The following HOXB4 variants were observed in gnomAD, a reference collection of about 807,000 sequenced individuals.
The protein encoded by HOXB4 is homeobox B4, also known as homeobox protein Hox-B4.
In HOXB4, 13 loss-of-function variants were observed where a neutral mutation model predicts 20.0. The observed-to-expected ratio is 0.65, with a 90% CI of 0.42 to 1.03. The LOEUF is 1.03. Among genes scored for constraint, HOXB4 ranks in the 50% least tolerant of loss-of-function variants. The probability of loss-of-function intolerance (pLI) is 0.00; values close to 1 mark genes in which losing one functional copy is unlikely to be tolerated. For missense variants in HOXB4, 343 were observed against 357.1 expected, an observed-to-expected ratio of 0.96 and a Z score of 0.32; for synonymous variants, 173 against 148.9, an observed-to-expected ratio of 1.16 and a Z score of -1.18.
chr17:48,578,129 C>T lies in HOXB4; in HGVS notation c.191G>A (p.Arg64His). Residue 64 changes from arginine (R) to histidine (H), a missense_variant, in exon 1 of 2, where the codon CGC becomes CAC. Physicochemically the swap from Arg to His is conservative, Grantham distance 29 (BLOSUM62 0). This residue lies in a region of HOXB4 where 241 missense variants were observed against 222.0 expected (regional missense o/e 1.09). Coordinates refer to ENST00000332503, the MANE Select transcript of HOXB4 (RefSeq NM_024015.5). ...FGRRAACTVQ[R>H]YAACRDPGPP... is the part of the protein sequence containing the mutation. ...CCCAGGGTCCCGGCAGGCCGCGTAGCGCTGCACGGTGCACGCCGCGCGCCG... is the reference window on the plus strand; with the variant it reads ...CCCAGGGTCCCGGCAGGCCGCGTAGTGCTGCACGGTGCACGCCGCGCGCCG... 2 of 1,527,408 alleles carry T rather than the reference C, an allele frequency of 1.3e-6. No individual in the cohort carries two copies. The highest frequency in any genetic ancestry group is 1.2e-5 in the South Asian group (1 of 85,190). 94.6% of individuals were successfully genotyped at this position (1,527,408 alleles called of 1,614,324 possible).
Position 48,578,105 on chromosome 17 carries a change from CCAGGGTCCCGGCAG to C in HOXB4, c.201_214del (p.Cys68AlafsTer228). On this transcript the variant is annotated frameshift_variant, in exon 1 of 2. Coordinates refer to ENST00000332503, the MANE Select transcript of HOXB4 (RefSeq NM_024015.5). LOFTEE classifies it high-confidence loss of function. ...GGGTGGTGGCGGAGGCGGCGGGGGCCCAGGGTCCCGGCAGGCCGCGTAGCGCTGCACGGTGCACG... is the reference window on the plus strand; with the variant it reads ...GGGTGGTGGCGGAGGCGGCGGGGGCCGCCGCGTAGCGCTGCACGGTGCACG... 1 of 1,242,608 alleles carries C rather than the reference CCAGGGTCCCGGCAG, an allele frequency of 8.0e-7. No homozygotes were observed. Among genetic ancestry groups the C allele is most frequent in the Non-Finnish European group, 1.0e-6 (1 of 963,020 alleles). 77.0% of individuals were successfully genotyped at this position (1,242,608 alleles called of 1,614,324 possible).
Position 48,576,650 on chromosome 17 carries a change from T to TTCCCCCCCCCCCCCCCCC in HOXB4, c.*71_*72insGGGGGGGGGGGGGGGGGA. ...GCCCAGGCCCCAGGGCCCCCTCCTG[T>TTCCCCCCCCCCCCCCCCC]CCCCCCACCCCATCCCCTGCACTCA... On this transcript the variant is annotated 3_prime_UTR_variant, in exon 2 of 2. Coordinates refer to ENST00000332503, the MANE Select transcript of HOXB4 (RefSeq NM_024015.5). 1.8e-6 allele frequency: 1 copy of TTCCCCCCCCCCCCCCCCC among 567,770 alleles called. No individual in the cohort carries two copies. Among genetic ancestry groups the TTCCCCCCCCCCCCCCCCC allele is most frequent in the African/African-American group, 2.0e-5 (1 of 50,958 alleles). 35.2% of individuals were successfully genotyped at this position (567,770 alleles called of 1,614,324 possible).
chr17:48,576,660 C>A lies in HOXB4; in HGVS notation c.*62G>T. ...CAGGGCCCCCTCCTGTCCCCCCACC[C>A]CATCCCCTGCACTCACTGCCCACCC... On this transcript the variant is annotated 3_prime_UTR_variant, in exon 2 of 2. Coordinates refer to ENST00000332503, the MANE Select transcript of HOXB4 (RefSeq NM_024015.5). The A allele has an allele frequency of 1.1e-6, 1 of 908,046 alleles. No individual in the cohort carries two copies. The highest frequency in any genetic ancestry group is 1.5e-6 in the Non-Finnish European group (1 of 655,298). 56.2% of individuals were successfully genotyped at this position (908,046 alleles called of 1,614,324 possible). A position where few individuals can be genotyped will look rare whatever the true frequency, so the allele number is the denominator to read the frequency against.
chr17:48,576,911 CCGTGTCAGGTAG>C lies in HOXB4; in HGVS notation c.555_566del (p.Tyr186_Arg189del). 1 of 1,614,256 alleles carries C rather than the reference CCGTGTCAGGTAG, an allele frequency of 6.2e-7. No homozygotes were observed. Among genetic ancestry groups the C allele is most frequent in the Non-Finnish European group, 8.5e-7 (1 of 1,180,042 alleles). On this transcript the variant is annotated inframe_deletion, in exon 2 of 2. Coordinates refer to ENST00000332503, the MANE Select transcript of HOXB4 (RefSeq NM_024015.5). ...CGTGGGCGATCTCCACCCTCCGGCGCCGTGTCAGGTAGCGGTTGTAGTGAAATTCCTTCTCCA... is the reference window on the plus strand; with the variant it reads ...CGTGGGCGATCTCCACCCTCCGGCGCCGGTTGTAGTGAAATTCCTTCTCCA...
At position 48,576,770 on chromosome 17, in the gene HOXB4, T is replaced by C. The variant is rs1194508667; in HGVS notation, c.708A>G (p.Ser236=). Residue 236 remains serine (S), a synonymous_variant, in exon 2 of 2, where the codon TCA becomes TCG. Transcript: ENST00000332503. ...TKIRSGGAAG[S]AGGPPGRPNG... is the part of the protein sequence containing the mutation. ...TGGGCCGGCCAGGGGGCCCTCCGGCTGAGCCTGCCGCACCACCCGAGCGGA... is the reference window on the plus strand; with the variant it reads ...TGGGCCGGCCAGGGGGCCCTCCGGCCGAGCCTGCCGCACCACCCGAGCGGA... The C allele has an allele frequency of 6.2e-7, 1 of 1,613,448 alleles. No homozygotes were observed. The highest frequency in any genetic ancestry group is 8.5e-7 in the Non-Finnish European group (1 of 1,179,660).
Position 48,576,483 on chromosome 17 carries a change from A to C in HOXB4, c.*239T>G, listed in dbSNP as rs917072132. 2 of 393,346 alleles carry C rather than the reference A, an allele frequency of 5.1e-6. No individual in the cohort carries two copies. The highest frequency in any genetic ancestry group is 4.4e-5 in the Admixed American group (1 of 22,532). 24.4% of individuals were successfully genotyped at this position (393,346 alleles called of 1,614,324 possible). On this transcript the variant is annotated 3_prime_UTR_variant, in exon 2 of 2. Coordinates refer to ENST00000332503, the MANE Select transcript of HOXB4 (RefSeq NM_024015.5). ...TTTCTTTTTCTTTTTTTTAAGAAAG[A>C]AAGCAAGAGATTTGAATCTTGCTTC...
At position 48,576,409 on chromosome 17, in the gene HOXB4, C is replaced by T. The variant is rs949289318; in HGVS notation, c.*313G>A. The T allele has an allele frequency of 3.8e-6, 1 of 261,000 alleles. No homozygotes were observed. The highest frequency in any genetic ancestry group is 7.2e-6 in the Non-Finnish European group (1 of 139,494). The allele number at this position is 261,000 out of a possible 1,614,324, so 16.2% of individuals were successfully genotyped here. Reference sequence around the variant, plus strand: ...AAAGCTGAAAACGAGGAGCTGCAGCCTCCTCCTATTTCTCTTTCTGTCTTT... The same window carrying T: ...AAAGCTGAAAACGAGGAGCTGCAGCTTCCTCCTATTTCTCTTTCTGTCTTT... On this transcript the variant is annotated 3_prime_UTR_variant, in exon 2 of 2. Coordinates refer to ENST00000332503, the MANE Select transcript of HOXB4 (RefSeq NM_024015.5).
At position 48,576,509 on chromosome 17, in the gene HOXB4, TG is replaced by T. The variant is rs3833172; in HGVS notation, c.*212del. On this transcript the variant is annotated 3_prime_UTR_variant, in exon 2 of 2. Transcript: ENST00000332503. ...AAGCAAGAGATTTGAATCTTGCTTCTGGGGGGGCCTCCCCGTGGCCCTCTAT... is the reference window on the plus strand; with the variant it reads ...AAGCAAGAGATTTGAATCTTGCTTCTGGGGGGCCTCCCCGTGGCCCTCTAT... 2 of 399,484 alleles carry T rather than the reference TG, an allele frequency of 5.0e-6. No individual in the cohort carries two copies. Among genetic ancestry groups the T allele is most frequent in the South Asian group, 1.3e-4 (1 of 7,898 alleles). 24.7% of individuals were successfully genotyped at this position (399,484 alleles called of 1,614,324 possible).
intron 1 of HOXB4, 54 bp from the exon 2 acceptor site, chr17:48,577,074 G>A: frequency 2.7e-6 from 4 of 1,478,398 alleles, no homozygotes; most frequent in East Asian, 2.3e-5. Flanking sequence ...CCCCGAAAGA[G>A]AGAGTCCTTT....
rs781252810 is a variant in HOXB4, at chr17:48,578,298, T to A, written c.22A>T (p.Ile8Phe). The part of the protein sequence containing the change: MAMSSFL[I>F]NSNYVDPKFP... Reference sequence around the variant, plus strand: ...TTGGGGTCGACATAGTTTGAGTTGATCAAAAAAGAACTCATAGCCATTAAT... The same window carrying A: ...TTGGGGTCGACATAGTTTGAGTTGAACAAAAAAGAACTCATAGCCATTAAT... Residue 8 changes from isoleucine (I) to phenylalanine (F), a missense_variant, in exon 1 of 2, where the codon ATC becomes TTC. By Grantham distance (21) the Ile-to-Phe change is conservative. Transcript: ENST00000332503. 9.9e-6 allele frequency: 16 copies of A among 1,610,168 alleles called. No individual in the cohort carries two copies. In the Admixed American group the frequency reaches 2.5e-4, roughly 25 times the overall value.
chr17:48,576,647 C>CA lies in HOXB4; in HGVS notation c.*74_*75insT. ...GGGGCCCAGGCCCCAGGGCCCCCTC[C>CA]TGTCCCCCCACCCCATCCCCTGCAC... On this transcript the variant is annotated 3_prime_UTR_variant, in exon 2 of 2. Coordinates refer to ENST00000332503, the MANE Select transcript of HOXB4 (RefSeq NM_024015.5). 1.0e-6 allele frequency: 1 copy of CA among 988,928 alleles called. No individual in the cohort carries two copies. Among genetic ancestry groups the CA allele is most frequent in the East Asian group, 3.6e-5 (1 of 27,408 alleles). 61.3% of individuals were successfully genotyped at this position (988,928 alleles called of 1,614,324 possible).
chr17:48,577,976 C>A lies in HOXB4; in HGVS notation c.344G>T (p.Ser115Ile). The A allele has an allele frequency of 7.7e-7, 1 of 1,305,984 alleles. No homozygotes were observed. 80.9% of individuals were successfully genotyped at this position (1,305,984 alleles called of 1,614,324 possible). A position where few individuals can be genotyped will look rare whatever the true frequency, so the allele number is the denominator to read the frequency against. The stretch of plus-strand genomic sequence containing the variant: ...GGCGCAGGGAGGCGGCGGGGGGCTG[C>A]TGCTGACCGCCTCGCAGCGCTGGCC... ...EPGQRCEAVS[S>I]SPPPPPCAQN... Residue 115 changes from serine (S) to isoleucine (I), a missense_variant, in exon 1 of 2, where the codon AGC (serine) becomes ATC (isoleucine). Ser to Ile is a moderately radical substitution (Grantham distance 142). This residue lies in a region of HOXB4 where 241 missense variants were observed against 222.0 expected (regional missense o/e 1.09). Coordinates refer to ENST00000332503, the MANE Select transcript of HOXB4 (RefSeq NM_024015.5).
At chr17:48,577,343 G>C (rs2069799407) in intron 1 of HOXB4, among the ~76,000 whole-genome samples, 1 of 152,306 alleles carries the variant, frequency 6.6e-6, no homozygotes, top group Non-Finnish European at 1.5e-5. Flanking sequence ...TGAGGGGGTG[G>C]AAGAGGGAGG....
chr17:48,577,834 G>T (rs1357520986), intron 1 of HOXB4, 29 bp downstream of exon 1: 4 of 1,390,020 alleles, frequency 2.9e-6, no homozygotes. Flanking sequence ...TCCAGGGGTG[G>T]GAGGGGGAAG....
At position 48,577,912 on chromosome 17, in the gene HOXB4, G is replaced by C; in HGVS notation, c.408C>G (p.Cys136Trp). ...TCCAGGGGTAGACGACGGGCTCTTT[G>C]CACGCGGAGTGGGACGGGCTGGGGT... ...PLHPSPSHSA[C>W]KEPVVYPWMR... is the part of the protein sequence containing the mutation. The change falls in exon 1 of 2, where the codon TGC (cysteine) becomes TGG (tryptophan). Residue 136 changes from cysteine (C) to tryptophan (W), a missense_variant. Cys to Trp is a radical substitution (Grantham distance 215). Coordinates refer to ENST00000332503, the MANE Select transcript of HOXB4 (RefSeq NM_024015.5). 7.3e-7 allele frequency: 1 copy of C among 1,376,704 alleles called. No individual in the cohort carries two copies. The highest frequency in any genetic ancestry group is 9.4e-7 in the Non-Finnish European group (1 of 1,058,232). The allele number at this position is 1,376,704 out of a possible 1,614,324, so 85.3% of individuals were successfully genotyped here.
Position 48,578,139 on chromosome 17 carries a change from T to TGCACGCC in HOXB4, c.174_180dup (p.Thr61GlyfsTer242). On this transcript the variant is annotated frameshift_variant, in exon 1 of 2. Coordinates refer to ENST00000332503, the MANE Select transcript of HOXB4 (RefSeq NM_024015.5). LOFTEE classifies it high-confidence loss of function. Reference sequence around the variant, plus strand: ...CGGCAGGCCGCGTAGCGCTGCACGGTGCACGCCGCGCGCCGCCCGAAGCCC... The same window carrying TGCACGCC: ...CGGCAGGCCGCGTAGCGCTGCACGGTGCACGCCGCACGCCGCGCGCCGCCCGAAGCCC... 2 of 1,555,740 alleles carry TGCACGCC rather than the reference T, an allele frequency of 1.3e-6. No homozygotes were observed. The highest frequency in any genetic ancestry group is 1.8e-6 in the Non-Finnish European group (2 of 1,141,228).
At position 48,577,000 on chromosome 17, in the gene HOXB4, C is replaced by A. The variant is rs771104213; in HGVS notation, c.478G>T (p.Gly160Trp). The change falls in exon 2 of 2, where the codon GGG (glycine) becomes TGG (tryptophan). Residue 160 changes from glycine to tryptophan, a missense_variant. This residue lies in a region of HOXB4 where 54 missense variants were observed against 90.3 expected (regional missense o/e 0.60). Coordinates refer to ENST00000332503, the MANE Select transcript of HOXB4 (RefSeq NM_024015.5). ...GCGGTCCGAGAGCGCTTGGGCTCCCCGCCGGCGTAATTGGGGTTTACTGGA... is the reference window on the plus strand; with the variant it reads ...GCGGTCCGAGAGCGCTTGGGCTCCCAGCCGGCGTAATTGGGGTTTACTGGA... ...VSTVNPNYAGGEPKRSRTAYT... is the reference protein window; with the variant it reads ...VSTVNPNYAGWEPKRSRTAYT... The A allele has an allele frequency of 6.2e-7, 1 of 1,604,932 alleles. No individual in the cohort carries two copies.
rs1347206533 is a variant in HOXB4 at position 48,575,694 on chromosome 17, C to CAAT, written c.*1025_*1027dup. 6.7e-5 allele frequency: 10 copies of CAAT among 149,354 alleles called. No individual in the cohort carries two copies. The East Asian group carries it at 1.6e-3, about 24-fold the overall frequency. 9.3% of individuals were successfully genotyped at this position (149,354 alleles called of 1,614,324 possible). A position where few individuals can be genotyped will look rare whatever the true frequency, so the allele number is the denominator to read the frequency against. ...AAAAAAATAGTAATAATAATATTAT[C>CAAT]AATAATAATAATAAACGATGCAACA... On this transcript the variant is annotated 3_prime_UTR_variant, in exon 2 of 2. Coordinates refer to ENST00000332503, the MANE Select transcript of HOXB4 (RefSeq NM_024015.5).
Position 48,578,171 on chromosome 17 carries a change from G to C in HOXB4, c.149C>G (p.Pro50Arg). 6 of 1,609,336 alleles carry C rather than the reference G, an allele frequency of 3.7e-6. No homozygotes were observed. Among genetic ancestry groups the C allele is most frequent in the Non-Finnish European group, 5.1e-6 (6 of 1,177,572 alleles). The part of the protein sequence containing the change: ...GGQRRESSFQ[P>R]EAGFGRRAAC... Reference sequence around the variant, plus strand: ...CGCGCGCCGCCCGAAGCCCGCCTCCGGCTGGAAGCTGCTCTCTCGCCTCTG... The same window carrying C: ...CGCGCGCCGCCCGAAGCCCGCCTCCCGCTGGAAGCTGCTCTCTCGCCTCTG... The change falls in exon 1 of 2, where the codon CCG (proline) becomes CGG (arginine). Residue 50 changes from proline to arginine, a missense_variant. By Grantham distance (103) the Pro-to-Arg change is moderately radical (BLOSUM62 -2). Transcript: ENST00000332503.
Sources: allele counts gnomAD v4.1 joint callset (sites outside exome capture counted in the v4.1 genomes callset), GRCh38; gene constraint gnomAD v4.1.1; regional missense constraint gnomAD v4.1.1; transcripts MANE v1.5; gene names NCBI Gene and HGNC (gene_info 2026-07-23, HGNC 2026-07-21).